The following ACER1 variants were observed in gnomAD, a reference collection of about 807,000 sequenced individuals.
ACER1 encodes the protein alkaline ceramidase 1.
Under a neutral mutation model 24.9 loss-of-function variants are expected in ACER1, and 28 were observed. The observed-to-expected ratio is 1.13, with a 90% CI of 0.83 to 1.54. ACER1 has a LOEUF of 1.54. Ranked by LOEUF, ACER1 falls within the 40% of genes most tolerant of loss-of-function variation. The pLI, the probability that ACER1 is intolerant of heterozygous loss-of-function variation, is 0.00. For missense variants in ACER1, 352 were observed against 349.3 expected (o/e 1.01, Z -0.06); for synonymous variants, 132 against 131.4 (o/e 1.00, Z -0.03).
the ACER1 span, among the ~76,000 whole-genome samples, chr19:6,345,565 C>CTT: frequency 2.3e-5 from 3 of 130,372 alleles, no homozygotes; most frequent in African/African-American, 3.0e-5. Context: ...GTATTAGATT[C>CTT]TTTTTTTTTT....
chr19:6,317,010 G>C (rs2091606479), intron 1 of ACER1, among the ~76,000 whole-genome samples: 1 of 117,282 alleles, frequency 8.5e-6, no homozygotes, highest in South Asian at 2.8e-4. Flanking sequence ...GTCTCACTCT[G>C]TCACCCAGGC....
At chr19:6,355,610 G>A in the ACER1 span, among the ~76,000 whole-genome samples, 145 of 141,786 alleles carry the variant, frequency 1.0e-3, 3 homozygotes, top group African/African-American at 3.9e-3. Context: ...CGCCCCGTCC[G>A]GGAGGGAGGT....
chr19:6,338,448 C>T (rs770723243), upstream of ACER1, among the ~76,000 whole-genome samples: 54 of 152,220 alleles, frequency 3.5e-4, no homozygotes, highest in Non-Finnish European at 6.6e-4. Flanking sequence ...TGAATATGGT[C>T]TATAGGTCAT....
At chr19:6,358,827 G>T in the ACER1 span, among the ~76,000 whole-genome samples, 2 of 151,090 alleles carry the variant, frequency 1.3e-5, no homozygotes, top group Non-Finnish European at 1.5e-5. Flanking sequence ...CAGCTACTCG[G>T]GAGGCTAAGG....
At chr19:6,334,911 C>G (rs934386893), upstream of ACER1, among the ~76,000 whole-genome samples, 2 of 150,276 alleles carry the variant, frequency 1.3e-5, no homozygotes, top group African/African-American at 2.4e-5. Context: ...CTTACTGAAG[C>G]TGACCTTGAA....
the ACER1 span, among the ~76,000 whole-genome samples, chr19:6,341,741 A>G: frequency 5.9e-5 from 9 of 151,832 alleles, 1 homozygote; most frequent in South Asian, 1.9e-3. Context: ...CGATTCTCCT[A>G]CCCCAGCCTC....
At position 6,323,353 on chromosome 19, in the gene ACER1, A is replaced by G. The variant is rs144751832; in HGVS notation, c.93+10106T>C. The stretch of plus-strand genomic sequence containing the variant: ...GAGAATGGTGTGAACCCTAGGGGGC[A>G]GAGCCTGCAGTGAGCAGAGATCACG... On this transcript the variant is annotated intron_variant, in intron 1 of 5. Coordinates refer to ENST00000301452, the MANE Select transcript of ACER1 (RefSeq NM_133492.3). Among the ~76,000 whole-genome samples the G allele has an allele frequency of 2.4e-3, 359 of 151,764 alleles. 9 individuals are homozygous for G. In the East Asian group the frequency reaches 0.064, roughly 27 times the overall value.
the ACER1 span, among the ~76,000 whole-genome samples, chr19:6,351,459 G>A: frequency 6.6e-6 from 1 of 152,056 alleles, no homozygotes; most frequent in Non-Finnish European, 1.5e-5. Flanking sequence ...GGCCAGGCGT[G>A]GTGGCTCATG....
chr19:6,337,742 C>G (rs1158638808), upstream of ACER1, among the ~76,000 whole-genome samples: 33 of 120,450 alleles, frequency 2.7e-4, no homozygotes, highest in African/African-American at 1.0e-3. Flanking sequence ...GTGGCTCGAT[C>G]TTGGCTCACT....
the ACER1 span, among the ~76,000 whole-genome samples, chr19:6,344,483 G>A: frequency 4.6e-5 from 7 of 151,834 alleles, no homozygotes; most frequent in Admixed American, 2.6e-4. Context: ...ATAAAGACTC[G>A]TTAAGTAAAT....
chr19:6,355,947 A>C, the ACER1 span, among the ~76,000 whole-genome samples: 1 of 151,586 alleles, frequency 6.6e-6, no homozygotes, highest in Non-Finnish European at 1.5e-5. Context: ...CCCTCTGCCC[A>C]GCCACCACCC....
chr19:6,358,108 G>A, the ACER1 span, among the ~76,000 whole-genome samples: 1 of 152,278 alleles, frequency 6.6e-6, no homozygotes, highest in Non-Finnish European at 1.5e-5. Context: ...GGCAGGAGCT[G>A]CAGCCCTGGG....
intron 1 of ACER1, among the ~76,000 whole-genome samples, chr19:6,326,861 T>TA (rs140198063): frequency 0.11 from 17,081 of 152,120 alleles, 1,286 homozygotes; most frequent in East Asian, 0.37. Context: ...TGCGAACCGT[T>TA]ACGTCTTCAT....
chr19:6,332,667 T>C (rs2091693972), intron 1 of ACER1, among the ~76,000 whole-genome samples: 1 of 151,160 alleles, frequency 6.6e-6, no homozygotes, highest in Admixed American at 6.6e-5. Flanking sequence ...TCTCAGGAGG[T>C]GGGACTTTTT....
chr19:6,308,737 G>A (rs1296222752), intron 4 of ACER1, among the ~76,000 whole-genome samples: 1 of 152,048 alleles, frequency 6.6e-6, no homozygotes, highest in African/African-American at 2.4e-5. Flanking sequence ...TGTAATCAGG[G>A]GAGTTAAATT....
At chr19:6,307,068 C>G (rs548036259) in intron 5 of ACER1, 85 bp downstream of exon 5, 2 of 1,572,834 alleles carry the variant, frequency 1.3e-6, no homozygotes, top group East Asian at 2.2e-5. Flanking sequence ...CTTCTCCAAC[C>G]CCAGCCCCCA....
intron 3 of ACER1, 125 bp downstream of exon 3, chr19:6,312,024 G>T: frequency 1.5e-6 from 2 of 1,310,256 alleles, no homozygotes; most frequent in Non-Finnish European, 2.1e-6. Flanking sequence ...GAAGTGGTCA[G>T]GGGAGGAATT....
chr19:6,315,418 C>T (rs564753045), intron 1 of ACER1, among the ~76,000 whole-genome samples: 8 of 151,900 alleles, frequency 5.3e-5, no homozygotes, highest in East Asian at 1.9e-4. Context: ...CTCACTCCGT[C>T]GCCCAGGCTG....
chr19:6,328,306 C>T (rs1037743045), intron 1 of ACER1, among the ~76,000 whole-genome samples: 2 of 151,554 alleles, frequency 1.3e-5, no homozygotes, highest in Non-Finnish European at 2.9e-5. Context: ...GCCTGAGCAA[C>T]AAGGTGAAAC....
Sources: allele counts gnomAD v4.1 joint callset (sites outside exome capture counted in the v4.1 genomes callset), GRCh38; gene constraint gnomAD v4.1.1; transcripts MANE v1.5; gene names NCBI Gene and HGNC (gene_info 2026-07-23, HGNC 2026-07-21).